The following FAM184B variants were observed in gnomAD, a reference collection of about 807,000 sequenced individuals.
FAM184B encodes family with sequence similarity 184 member B, also known as protein FAM184B.
In FAM184B, 111 loss-of-function variants were observed where a neutral mutation model predicts 135.9. The ratio of observed to expected loss-of-function variants is 0.82; its 90% CI spans 0.70 to 0.96. The LOEUF is 0.96. FAM184B is among the 40% of genes least tolerant of loss of function. FAM184B has a pLI of 0.00. For synonymous variants in FAM184B, 552 were observed against 524.8 expected (o/e 1.05, Z -0.71); for missense variants, 1,375 against 1,323.9 (o/e 1.04, Z -0.60).
intron 13 of FAM184B, among the ~76,000 whole-genome samples, chr4:17,640,255 G>A (rs1436652035): frequency 6.7e-6 from 1 of 149,622 alleles, no homozygotes; most frequent in Admixed American, 6.7e-5. Flanking sequence ...GGAGGATCAC[G>A]AGGACAGGAG....
intron 11 of FAM184B, among the ~76,000 whole-genome samples, chr4:17,652,209 C>T (rs1019564860): frequency 3.0e-4 from 42 of 138,578 alleles, no homozygotes; most frequent in South Asian, 2.2e-4. Flanking sequence ...AGTACAAGCT[C>T]TGCCTCCCGG....
rs957222934 is a variant in FAM184B at position 17,642,357 on chromosome 4, C to A, written c.2347-129G>T. 2.8e-5 allele frequency: 39 copies of A among 1,370,870 alleles called. No homozygotes were observed. In the Middle Eastern group the frequency reaches 1.1e-3, roughly 38 times the overall value. The allele number at this position is 1,370,870 out of a possible 1,614,324, so 84.9% of individuals were successfully genotyped here. A position where few individuals can be genotyped will look rare whatever the true frequency, so the allele number is the denominator to read the frequency against. On this transcript the variant is annotated intron_variant, in intron 12 of 17. Transcript: ENST00000265018. ...CGCCCAGGCTGGAGCCTGTGGCAGG[C>A]TCCTGAGTTCCCTGCAGGGACTCCC...
intron 7 of FAM184B, among the ~76,000 whole-genome samples, chr4:17,669,576 C>G (rs1422842782): frequency 1.3e-5 from 2 of 152,146 alleles, no homozygotes. Flanking sequence ...TCTAATAAGA[C>G]CAGTAGCTAG....
chr4:17,660,153 T>A lies in FAM184B; in HGVS notation c.1695-66A>T, dbSNP rs1715879748. On this transcript the variant is annotated intron_variant, in intron 8 of 17. Coordinates refer to ENST00000265018, the MANE Select transcript of FAM184B (RefSeq NM_015688.2). ...GCTAGGAATGACACTGCCACTCCGATAACGTGCCAGCCACTGTGCCTGGGA... is the reference window on the plus strand; with the variant it reads ...GCTAGGAATGACACTGCCACTCCGAAAACGTGCCAGCCACTGTGCCTGGGA... 7.9e-6 allele frequency: 12 copies of A among 1,517,442 alleles called. No homozygotes were observed. The South Asian group carries it at 1.5e-4, about 19-fold the overall frequency. The allele number at this position is 1,517,442 out of a possible 1,614,324, so 94.0% of individuals were successfully genotyped here. A position where few individuals can be genotyped will look rare whatever the true frequency, so the allele number is the denominator to read the frequency against.
chr4:17,731,070 C>T lies in FAM184B; in HGVS notation c.142-21426G>A, dbSNP rs890707648. Among the ~76,000 whole-genome samples, 9 of 152,126 alleles carry T rather than the reference C, an allele frequency of 5.9e-5. No homozygotes were observed. In the South Asian group the frequency reaches 8.3e-4, roughly 14 times the overall value. On this transcript the variant is annotated intron_variant, in intron 1 of 17. Transcript: ENST00000265018. ...TAAAACCCAGAATTTCATATCCAGCCGAACTAAGCTTCATAAGTGAAGGAG... is the reference window on the plus strand; with the variant it reads ...TAAAACCCAGAATTTCATATCCAGCTGAACTAAGCTTCATAAGTGAAGGAG...
chr4:17,725,856 A>G (rs1432731131), intron 1 of FAM184B, among the ~76,000 whole-genome samples: 2 of 152,106 alleles, frequency 1.3e-5, no homozygotes, highest in African/African-American at 4.8e-5. Flanking sequence ...AAAATCTGTG[A>G]GATTCCTTTT....
Position 17,781,100 on chromosome 4 carries a change from G to T in FAM184B, c.141+59C>A. ...GCCTCCCGGGAGGCGCATCCGCACT[G>T]ACTCCCGGCTCGGGCGCCCCGGGCG... On this transcript the variant is annotated intron_variant, in intron 1 of 17. Transcript: ENST00000265018. The surrounding 1 kb of genome is among the most constrained non-coding windows in gnomAD (Gnocchi z 6.5). The T allele has an allele frequency of 6.8e-7, 1 of 1,478,158 alleles. No homozygotes were observed. Among genetic ancestry groups the T allele is most frequent in the South Asian group, 1.3e-5 (1 of 74,706 alleles). The allele number at this position is 1,478,158 out of a possible 1,614,324, so 91.6% of individuals were successfully genotyped here. A position where few individuals can be genotyped will look rare whatever the true frequency, so the allele number is the denominator to read the frequency against.
chr4:17,715,782 A>T (rs1717390319), intron 1 of FAM184B, among the ~76,000 whole-genome samples: 2 of 150,922 alleles, frequency 1.3e-5, no homozygotes, highest in Admixed American at 1.3e-4. Context: ...TGTCAGTTTA[A>T]AAAAAAAGAG....
chr4:17,728,798 T>A (rs942881459), intron 1 of FAM184B, among the ~76,000 whole-genome samples: 2 of 152,212 alleles, frequency 1.3e-5, no homozygotes, highest in Non-Finnish European at 2.9e-5. Context: ...GGAACAGCTC[T>A]GGTCTACAGC....
In FAM184B at chr4:17,760,683, T is replaced by C. The variant is rs16868358; in HGVS notation, c.141+20476A>G. Among the ~76,000 whole-genome samples the C allele has an allele frequency of 4.7e-3, 718 of 152,264 alleles. 27 individuals are homozygous for C. The East Asian group carries it at 0.088, about 19-fold the overall frequency. ...ACTAGCTTTGTGTGAATTGTCCTTT[T>C]AATTTTCAGAGCACTTAGAATCCTA... On this transcript the variant is annotated intron_variant, in intron 1 of 17. Transcript: ENST00000265018.
At chr4:17,641,527 G>GGA (rs1715312288) in intron 13 of FAM184B, among the ~76,000 whole-genome samples, 2 of 130,982 alleles carry the variant, frequency 1.5e-5, no homozygotes, top group Non-Finnish European at 3.1e-5. Flanking sequence ...CGCCCAGGCT[G>GGA]GAGTGCAATG....
chr4:17,778,470 A>C (rs781400847), intron 1 of FAM184B, among the ~76,000 whole-genome samples: 2 of 152,240 alleles, frequency 1.3e-5, no homozygotes, highest in African/African-American at 2.4e-5. Flanking sequence ...ACCCAAAGGG[A>C]ACACTGTAGA....
At chr4:17,680,073 G>A (rs1034475842) in intron 7 of FAM184B, among the ~76,000 whole-genome samples, 3 of 152,204 alleles carry the variant, frequency 2.0e-5, no homozygotes, top group Admixed American at 1.3e-4. Flanking sequence ...ACTGGGTACA[G>A]TGTACACTGC....
chr4:17,641,954 C>A, intron 13 of FAM184B, 102 bp downstream of exon 13: 2 of 1,424,278 alleles, frequency 1.4e-6, no homozygotes, highest in Non-Finnish European at 1.8e-6. Context: ...GAGGCAGTGA[C>A]CCATTTCAGG....
rs1715141850 is a variant in FAM184B at position 17,636,522 on chromosome 4, C to T, written c.2784+6G>A. On this transcript the variant is annotated splice_donor_region_variant and intron_variant, in intron 15 of 17. Coordinates refer to ENST00000265018, the MANE Select transcript of FAM184B (RefSeq NM_015688.2). ...GCGTGGGTGAGGCGCCCCCTGACAG[C>T]CTCACCGTGAGCTGCTTGATGATGT... The T allele has an allele frequency of 6.5e-7, 1 of 1,549,536 alleles. No homozygotes were observed.
At chr4:17,731,951 C>A (rs1288164366) in intron 1 of FAM184B, among the ~76,000 whole-genome samples, 2 of 152,076 alleles carry the variant, frequency 1.3e-5, no homozygotes, top group Non-Finnish European at 2.9e-5. Context: ...CACTCCTCAG[C>A]AAATGTAAAA....
intron 5 of FAM184B, among the ~76,000 whole-genome samples, chr4:17,693,910 G>C (rs532346002): frequency 1.4e-4 from 21 of 151,796 alleles, no homozygotes; most frequent in African/African-American, 4.6e-4. Flanking sequence ...CCGGGGGTTC[G>C]AGACCAGCCC....
At chr4:17,683,457 T>C (rs1251374294) in intron 7 of FAM184B, among the ~76,000 whole-genome samples, 1 of 152,182 alleles carries the variant, frequency 6.6e-6, no homozygotes, top group African/African-American at 2.4e-5. Context: ...CCTTGGTGTA[T>C]AAATGAGAAT....
chr4:17,632,835 ACCATTGTTTGGTTCT>A (rs922740219), intron 17 of FAM184B: 34 of 445,604 alleles, frequency 7.6e-5, no homozygotes, highest in Middle Eastern at 6.2e-4. Context: ...CAGAAGGTTC[ACCATTGTTTGGTTCT>A]CCATTGTTCC....
Sources: gnomAD v4.1 joint callset for allele counts (sites outside exome capture counted in the v4.1 genomes callset) on GRCh38, gnomAD v4.1.1 for gene constraint, Gnocchi (gnomAD v3.1) non-coding constraint, MANE v1.5 for transcripts, NCBI Gene and HGNC (gene_info 2026-07-23, HGNC 2026-07-21) for gene names.